NDST3: variants seen among roughly 807,000 people sequenced by gnomAD.
NDST3 encodes N-deacetylase and N-sulfotransferase 3.
In NDST3, 58 loss-of-function variants were observed where a neutral mutation model predicts 96.1. That is an observed-to-expected ratio of 0.60 (90% CI 0.49 to 0.75). The LOEUF (loss-of-function observed/expected upper bound fraction) is 0.75. Ranked by LOEUF, NDST3 falls within the 30% of genes least tolerant of loss-of-function variation. The pLI, the probability that NDST3 is intolerant of heterozygous loss-of-function variation, is 0.00. For synonymous variants in NDST3, 333 were observed against 359.7 expected, an observed-to-expected ratio of 0.93 and a Z score of 0.84; for missense variants, 788 against 1,034.2, an observed-to-expected ratio of 0.76 and a Z score of 3.27.
intron 5 of NDST3, among the ~76,000 whole-genome samples, chr4:118,141,557 C>G (rs1308953978): frequency 6.6e-6 from 1 of 152,178 alleles, no homozygotes; most frequent in African/African-American, 2.4e-5. Flanking sequence ...AGACAAAATT[C>G]AAATATCTTT....
At chr4:118,108,962 A>G (rs1299146779) in intron 3 of NDST3, among the ~76,000 whole-genome samples, 1 of 152,244 alleles carries the variant, frequency 6.6e-6, no homozygotes, top group Non-Finnish European at 1.5e-5. Context: ...GTAACCTCAA[A>G]AATAAAAACA....
At chr4:118,251,977 G>C (rs1233256017) in intron 12 of NDST3, among the ~76,000 whole-genome samples, 15 of 152,080 alleles carry the variant, frequency 9.9e-5, no homozygotes, top group Non-Finnish European at 2.2e-4. Context: ...GTAGTTTTAA[G>C]TGTGCAGCCA....
chr4:118,193,585 C>A (rs1180723374), intron 6 of NDST3: 13 of 1,151,512 alleles, frequency 1.1e-5, no homozygotes, highest in Non-Finnish European at 1.7e-5. Flanking sequence ...GCCTGCAGAT[C>A]TGCTGCTGGC....
At chr4:118,209,193 T>A (rs1418449079) in intron 6 of NDST3, among the ~76,000 whole-genome samples, 2 of 152,198 alleles carry the variant, frequency 1.3e-5, no homozygotes, top group East Asian at 3.8e-4. Flanking sequence ...AAAATAAAGA[T>A]GTTTTCATTG....
At chr4:118,193,513 G>A (rs1008722293) in intron 6 of NDST3, 1 of 961,502 alleles carries the variant, frequency 1.0e-6, no homozygotes, top group South Asian at 1.3e-5. Flanking sequence ...CCTTGGCCTT[G>A]TTCTCTTCCT....
intron 12 of NDST3, among the ~76,000 whole-genome samples, chr4:118,251,773 C>A (rs1378648444): frequency 6.6e-6 from 1 of 152,168 alleles, no homozygotes; most frequent in African/African-American, 2.4e-5. Context: ...AGCTTGTCTA[C>A]TTCCTTTACA....
chr4:118,180,406 T>C (rs925244757), intron 6 of NDST3, among the ~76,000 whole-genome samples: 1 of 152,194 alleles, frequency 6.6e-6, no homozygotes, highest in Non-Finnish European at 1.5e-5. Flanking sequence ...AGCCTCCAGC[T>C]GCATCTATGT....
In NDST3 at chr4:118,227,236, TTTCC is replaced by T. The variant is rs772815222; in HGVS notation, c.1819+255_1819+258del. 7.5e-3 allele frequency among the ~76,000 whole-genome samples: 671 copies of T among 89,804 alleles called. 9 individuals carry two copies. The highest frequency in any genetic ancestry group is 0.031 in the Middle Eastern group (4 of 128). 58.9% of individuals were successfully genotyped at this position (89,804 alleles called of 152,430 possible). A position where few individuals can be genotyped will look rare whatever the true frequency, so the allele number is the denominator to read the frequency against. Reference sequence around the variant, plus strand: ...CAATTTGGTAGCACATGTTTTTTTTTTTCCCCCCCAAATGTTTTAATTGAAAAGT... The same window carrying T: ...CAATTTGGTAGCACATGTTTTTTTTTCCCCCAAATGTTTTAATTGAAAAGT... On this transcript the variant is annotated intron_variant, in intron 8 of 13. Coordinates refer to ENST00000296499, the MANE Select transcript of NDST3 (RefSeq NM_004784.3).
At chr4:118,037,728 G>A (rs934058369) in intron 1 of NDST3, among the ~76,000 whole-genome samples, 1 of 152,114 alleles carries the variant, frequency 6.6e-6, no homozygotes, top group Admixed American at 6.5e-5. Context: ...GCCTTCCCTA[G>A]CTAAGTATAT....
chr4:118,057,737 G>A (rs536492740), intron 2 of NDST3, among the ~76,000 whole-genome samples: 141 of 152,142 alleles, frequency 9.3e-4, no homozygotes, highest in Non-Finnish European at 1.6e-3. Context: ...GATAGAGACC[G>A]AAGCCCATTT....
intron 8 of NDST3, among the ~76,000 whole-genome samples, chr4:118,227,472 A>C (rs1739964998): frequency 6.6e-6 from 1 of 152,148 alleles, no homozygotes; most frequent in Non-Finnish European, 1.5e-5. Context: ...AAGATATTTC[A>C]CAAGCAGAAT....
At chr4:118,156,050 T>A (rs1734689836) in intron 6 of NDST3, among the ~76,000 whole-genome samples, 2 of 152,112 alleles carry the variant, frequency 1.3e-5, no homozygotes, top group South Asian at 4.1e-4. Flanking sequence ...TAAATACTAT[T>A]TCTAGCATTC....
chr4:118,092,674 T>C (rs1728972919), intron 2 of NDST3, among the ~76,000 whole-genome samples: 1 of 151,420 alleles, frequency 6.6e-6, no homozygotes, highest in South Asian at 2.1e-4. Flanking sequence ...ATTAATTAAT[T>C]TGTTTATTCA....
At chr4:118,062,189 G>A (rs1725948433) in intron 2 of NDST3, among the ~76,000 whole-genome samples, 1 of 152,168 alleles carries the variant, frequency 6.6e-6, no homozygotes, top group East Asian at 1.9e-4. Context: ...TTCCTTCAAT[G>A]AGAATCTATT....
chr4:118,210,994 A>C (rs1268837065), intron 6 of NDST3, among the ~76,000 whole-genome samples: 3 of 152,274 alleles, frequency 2.0e-5, no homozygotes, highest in Admixed American at 1.3e-4. Context: ...CCAGATACTA[A>C]GGGATCAGAA....
chr4:118,088,370 A>G (rs1728599800), intron 2 of NDST3, among the ~76,000 whole-genome samples: 1 of 152,068 alleles, frequency 6.6e-6, no homozygotes, highest in South Asian at 2.1e-4. Flanking sequence ...GATGATCTAA[A>G]GGTATTTATT....
intron 1 of NDST3, among the ~76,000 whole-genome samples, chr4:118,045,963 G>A (rs1046783882): frequency 6.6e-6 from 1 of 151,810 alleles, no homozygotes; most frequent in South Asian, 2.1e-4. Context: ...ATTCCAGAGG[G>A]GGAAGGCAAG....
chr4:118,092,479 C>T (rs911835787), intron 2 of NDST3, among the ~76,000 whole-genome samples: 1 of 151,766 alleles, frequency 6.6e-6, no homozygotes, highest in Admixed American at 6.6e-5. Flanking sequence ...CTCAAGTCAG[C>T]TGGCCTTTTC....
Position 118,054,825 on chromosome 4 carries a change from T to C in NDST3, c.915T>C (p.Ile305=). ...KRLTLSLDRY[I]LVDIDDIFVG... ...TGACATTGTCCTTGGACAGGTACAT[T>C]CTTGTGGATATTGATGATATATTTG... is the stretch of plus-strand genomic sequence containing the variant. Residue 305 remains isoleucine (I), a synonymous_variant, in exon 2 of 14, where the codon ATT becomes ATC. Transcript: ENST00000296499. 6.2e-7 allele frequency: 1 copy of C among 1,613,076 alleles called. No homozygotes were observed. The highest frequency in any genetic ancestry group is 8.5e-7 in the Non-Finnish European group (1 of 1,179,304).
Sources: allele counts gnomAD v4.1 joint callset (sites outside exome capture counted in the v4.1 genomes callset), GRCh38; gene constraint gnomAD v4.1.1; transcripts MANE v1.5; gene names NCBI Gene and HGNC (gene_info 2026-07-23, HGNC 2026-07-21).